Variants in KHDRBS2 observed in about 807,000 individuals in gnomAD.
The protein encoded by KHDRBS2 is KH RNA binding domain containing, signal transduction associated 2.
In KHDRBS2, 26 loss-of-function variants were observed where a neutral mutation model predicts 44.3. That is an observed-to-expected ratio of 0.59 (90% CI 0.43 to 0.81). The LOEUF (loss-of-function observed/expected upper bound fraction) is 0.81, where lower values mean the gene tolerates loss of function less well. KHDRBS2 is among the 40% of genes least tolerant of loss of function. KHDRBS2 has a pLI of 0.00. For missense variants in KHDRBS2, 476 were observed against 433.1 expected (o/e 1.10, Z -0.88); for synonymous variants, 194 against 151.1 (o/e 1.28, Z -2.08).
intron 2 of KHDRBS2, among the ~76,000 whole-genome samples, chr6:62,154,730 C>T (rs1028560622): frequency 3.3e-5 from 5 of 152,090 alleles, no homozygotes; most frequent in African/African-American, 1.2e-4. Context: ...GAGGAGAATG[C>T]CAGCTGAAGG....
the KHDRBS2 span, among the ~76,000 whole-genome samples, chr6:61,597,759 C>G: frequency 4.0e-5 from 2 of 50,114 alleles, no homozygotes; most frequent in African/African-American, 7.0e-5. Flanking sequence ...TATATATATA[C>G]ATATATATAT....
intron 4 of KHDRBS2, among the ~76,000 whole-genome samples, chr6:61,903,075 C>T (rs1322810274): frequency 5.3e-5 from 8 of 152,094 alleles, no homozygotes; most frequent in Non-Finnish European, 1.2e-4. Context: ...TCTAACAAGC[C>T]ATATATTATT....
At chr6:62,044,702 A>G (rs1162418388) in intron 3 of KHDRBS2, among the ~76,000 whole-genome samples, 1 of 152,008 alleles carries the variant, frequency 6.6e-6, no homozygotes, top group Non-Finnish European at 1.5e-5. Flanking sequence ...GCACACAAGG[A>G]GCCCCTCATG....
chr6:61,687,555 T>A (rs953403780), intron 8 of KHDRBS2, among the ~76,000 whole-genome samples: 2 of 151,922 alleles, frequency 1.3e-5, no homozygotes, highest in Non-Finnish European at 2.9e-5. Flanking sequence ...GTCTTACAGA[T>A]GTTCTGCATT....
intron 6 of KHDRBS2, among the ~76,000 whole-genome samples, chr6:61,749,147 G>T (rs1333164409): frequency 6.6e-6 from 1 of 151,050 alleles, no homozygotes; most frequent in African/African-American, 2.4e-5. Flanking sequence ...CGAGTAGCTG[G>T]GACTACAGGC....
At chr6:61,615,771 T>C in the KHDRBS2 span, among the ~76,000 whole-genome samples, 1 of 152,146 alleles carries the variant, frequency 6.6e-6, no homozygotes, top group Non-Finnish European at 1.5e-5. Context: ...TTGCAAATAT[T>C]CAAAAATCTG....
At chr6:62,101,823 A>T (rs1302659750) in intron 2 of KHDRBS2, among the ~76,000 whole-genome samples, 1 of 152,228 alleles carries the variant, frequency 6.6e-6, no homozygotes, top group African/African-American at 2.4e-5. Flanking sequence ...CAAATACCAC[A>T]TGACTTTCTT....
chr6:62,011,750 T>G (rs1393983788), intron 3 of KHDRBS2, among the ~76,000 whole-genome samples: 1 of 152,152 alleles, frequency 6.6e-6, no homozygotes, highest in Non-Finnish European at 1.5e-5. Context: ...CTGAAAGCAT[T>G]TGTAGGAATT....
chr6:61,586,692 C>T, the KHDRBS2 span, among the ~76,000 whole-genome samples: 77 of 152,096 alleles, frequency 5.1e-4, no homozygotes, highest in African/African-American at 1.6e-3. Flanking sequence ...AGGGATCCAG[C>T]GGCCATGTTC....
In KHDRBS2 at chr6:61,962,554, A is replaced by G. The variant is rs1187454424; in HGVS notation, c.483+15512T>C. On this transcript the variant is annotated intron_variant, in intron 4 of 8. Coordinates refer to ENST00000281156, the MANE Select transcript of KHDRBS2 (RefSeq NM_152688.4). ...GACCTTTCAACTAATACAAAGTACAACTATTACACTGTAGAAGATCCACTA... is the reference window on the plus strand; with the variant it reads ...GACCTTTCAACTAATACAAAGTACAGCTATTACACTGTAGAAGATCCACTA... Among the ~76,000 whole-genome samples the G allele has an allele frequency of 2.0e-5, 3 of 152,096 alleles. No individual in the cohort carries two copies. The East Asian group carries it at 5.8e-4, about 29-fold the overall frequency.
chr6:61,587,659 AATG>A, the KHDRBS2 span, among the ~76,000 whole-genome samples: 1 of 152,266 alleles, frequency 6.6e-6, no homozygotes, highest in African/African-American at 2.4e-5. Flanking sequence ...GGCCAAAAAA[AATG>A]ATATTTTTGA....
chr6:62,162,369 G>T (rs1207476509), intron 2 of KHDRBS2, among the ~76,000 whole-genome samples: 1 of 152,002 alleles, frequency 6.6e-6, no homozygotes, highest in Non-Finnish European at 1.5e-5. Flanking sequence ...TTGATTGACA[G>T]TATTTTCATT....
the KHDRBS2 span, among the ~76,000 whole-genome samples, chr6:61,662,314 T>A: frequency 6.6e-6 from 1 of 151,730 alleles, no homozygotes; most frequent in African/African-American, 2.4e-5. Flanking sequence ...AACCTAGGCA[T>A]TACCATTCAG....
At chr6:61,827,991 TA>T (rs1207301759) in intron 6 of KHDRBS2, among the ~76,000 whole-genome samples, 2 of 152,140 alleles carry the variant, frequency 1.3e-5, no homozygotes, top group Non-Finnish European at 2.9e-5. Context: ...CTGCACAATT[TA>T]AATCCCCCCT....
At chr6:61,942,131 A>C (rs983304580) in intron 4 of KHDRBS2, among the ~76,000 whole-genome samples, 1 of 151,940 alleles carries the variant, frequency 6.6e-6, no homozygotes, top group African/African-American at 2.4e-5. Context: ...AATTAAAAAA[A>C]AGAAAAATGT....
intron 2 of KHDRBS2, among the ~76,000 whole-genome samples, chr6:62,156,644 T>C (rs907069381): frequency 6.7e-6 from 1 of 148,564 alleles, no homozygotes; most frequent in South Asian, 2.1e-4. Context: ...GTAGCTTTTG[T>C]TTGTTTGTTT....
intron 3 of KHDRBS2, among the ~76,000 whole-genome samples, chr6:61,992,630 C>G (rs1389413761): frequency 6.6e-6 from 1 of 152,024 alleles, no homozygotes; most frequent in Non-Finnish European, 1.5e-5. Context: ...CGTGCGCACG[C>G]TTATATGTGT....
At chr6:61,973,841 T>C (rs1771935279) in intron 4 of KHDRBS2, among the ~76,000 whole-genome samples, 1 of 152,138 alleles carries the variant, frequency 6.6e-6, no homozygotes, top group South Asian at 2.1e-4. Context: ...GCATGCTGTG[T>C]TGGGAAGATT....
the KHDRBS2 span, among the ~76,000 whole-genome samples, chr6:61,573,093 C>T: frequency 6.6e-6 from 1 of 152,060 alleles, no homozygotes; most frequent in African/African-American, 2.4e-5. Context: ...CAAAAAGCTC[C>T]TAGATCTGAT....
Sources: allele counts gnomAD v4.1 joint callset (sites outside exome capture counted in the v4.1 genomes callset), GRCh38; gene constraint gnomAD v4.1.1; transcripts MANE v1.5; gene names NCBI Gene and HGNC (gene_info 2026-07-23, HGNC 2026-07-21).